Variants in UTRN observed in about 807,000 individuals in gnomAD.
UTRN encodes dystrophin-related protein 1.
UTRN carries 283 observed loss-of-function variants against 463.9 expected under a neutral mutation model. The ratio of observed to expected loss-of-function variants is 0.61; its 90% CI spans 0.55 to 0.67. The LOEUF is 0.67. Among genes scored for constraint, UTRN ranks in the 30% least tolerant of loss-of-function variants. The pLI, the probability that UTRN is intolerant of heterozygous loss-of-function variation, is 0.00. For missense variants in UTRN, 3,922 were observed against 4,084.3 expected (o/e 0.96, Z 1.08); for synonymous variants, 1,442 against 1,431.5 (o/e 1.01, Z -0.17).
chr6:144,732,298 A>G (rs1788762958), intron 54 of UTRN, among the ~76,000 whole-genome samples: 2 of 134,620 alleles, frequency 1.5e-5, no homozygotes, highest in South Asian at 2.7e-4. Flanking sequence ...ATATATATAC[A>G]CATATATATA....
chr6:144,388,941 C>T (rs1781656733), intron 2 of UTRN, among the ~76,000 whole-genome samples: 1 of 152,180 alleles, frequency 6.6e-6, no homozygotes, highest in South Asian at 2.1e-4. Flanking sequence ...TTGCATTTTC[C>T]TGGTATGAAC....
At chr6:144,385,581 T>G (rs1396948441) in intron 2 of UTRN, among the ~76,000 whole-genome samples, 2 of 152,204 alleles carry the variant, frequency 1.3e-5, no homozygotes, top group Non-Finnish European at 2.9e-5. Flanking sequence ...ACACTGAAGA[T>G]ATAATTAGCA....
chr6:144,517,517 G>A (rs1359121600), intron 39 of UTRN, among the ~76,000 whole-genome samples: 7 of 151,868 alleles, frequency 4.6e-5, no homozygotes, highest in South Asian at 2.1e-4. Context: ...TTTTTTAAAC[G>A]GCAATCTTTC....
chr6:144,424,530 G>A (rs1785126174), intron 6 of UTRN, among the ~76,000 whole-genome samples: 1 of 152,008 alleles, frequency 6.6e-6, no homozygotes, highest in Non-Finnish European at 1.5e-5. Flanking sequence ...AAGTACTGAG[G>A]GTTAGGACTT....
chr6:144,452,848 A>G (rs115064641), intron 18 of UTRN, among the ~76,000 whole-genome samples: 2,075 of 151,302 alleles, frequency 0.014, 44 homozygotes, highest in African/African-American at 0.047. Context: ...AGGCTGAGAT[A>G]GGAGGATCCT....
At chr6:144,341,881 C>T (rs1777163073) in intron 2 of UTRN, among the ~76,000 whole-genome samples, 1 of 152,168 alleles carries the variant, frequency 6.6e-6, no homozygotes, top group Non-Finnish European at 1.5e-5. Context: ...GGTATGAACC[C>T]ATACAGCTGT....
intron 51 of UTRN, among the ~76,000 whole-genome samples, chr6:144,640,576 T>C (rs890229655): frequency 2.0e-5 from 3 of 152,202 alleles, no homozygotes; most frequent in Non-Finnish European, 2.9e-5. Flanking sequence ...ATCTCATAAC[T>C]TACAGATTTG....
intron 34 of UTRN, among the ~76,000 whole-genome samples, chr6:144,502,190 G>A (rs904920947): frequency 2.7e-5 from 4 of 149,620 alleles, no homozygotes; most frequent in Non-Finnish European, 5.9e-5. Context: ...TCTGCCTTTA[G>A]TGCTTAGAAA....
chr6:144,771,103 T>G (rs952872171), intron 58 of UTRN, among the ~76,000 whole-genome samples: 2 of 152,296 alleles, frequency 1.3e-5, no homozygotes, highest in East Asian at 3.9e-4. Context: ...TTAACAGATA[T>G]GGGTTTATTC....
intron 7 of UTRN, 137 bp downstream of exon 7, chr6:144,426,596 T>A: frequency 3.3e-6 from 3 of 900,228 alleles, no homozygotes; most frequent in Non-Finnish European, 4.6e-6. Flanking sequence ...ACCAAAACCT[T>A]AAGAAAAGAA....
In UTRN at chr6:144,531,993, C is replaced by T. The variant is rs139243228; in HGVS notation, c.6057+791C>T. ...TCTACTAAAAATACAAAAAATTAGC[C>T]GGGCATGGTGGAACGCACCTGCAGT... On this transcript the variant is annotated intron_variant, in intron 42 of 74. Transcript: ENST00000367545. Among the ~76,000 whole-genome samples, 1,307 of 151,988 alleles carry T rather than the reference C, an allele frequency of 8.6e-3. 16 individuals are homozygous for T. Among genetic ancestry groups the T allele is most frequent in the African/African-American group, 0.03 (1,231 of 41,412 alleles).
intron 45 of UTRN, 32 bp from the exon 46 acceptor site, chr6:144,542,763 T>G: frequency 6.3e-7 from 1 of 1,597,162 alleles, no homozygotes; most frequent in Non-Finnish European, 8.5e-7. Context: ...TTACGTAGTA[T>G]TCTTCTCTTT....
At chr6:144,740,364 A>G (rs1789914069) in intron 54 of UTRN, among the ~76,000 whole-genome samples, 1 of 152,202 alleles carries the variant, frequency 6.6e-6, no homozygotes, top group Admixed American at 6.5e-5. Context: ...CTGAAATACC[A>G]CGCTGCATAA....
chr6:144,761,953 G>A (rs1237738551), intron 58 of UTRN, among the ~76,000 whole-genome samples: 1 of 152,046 alleles, frequency 6.6e-6, no homozygotes, highest in Non-Finnish European at 1.5e-5. Context: ...ATATAATAAT[G>A]ATAAATAGTT....
chr6:144,422,000 G>C, intron 4 of UTRN, 30 bp downstream of exon 4: 4 of 1,581,294 alleles, frequency 2.5e-6, no homozygotes. Context: ...AAACAACGGA[G>C]TCTCCGGTCA....
chr6:144,517,152 T>TA (rs1263944326), intron 39 of UTRN, among the ~76,000 whole-genome samples: 6 of 151,978 alleles, frequency 3.9e-5, no homozygotes, highest in Non-Finnish European at 7.4e-5. Context: ...TTATTGGCCA[T>TA]CTCTTTTGGA....
chr6:144,495,474 A>G (rs961822606), intron 33 of UTRN, among the ~76,000 whole-genome samples: 11 of 152,210 alleles, frequency 7.2e-5, no homozygotes, highest in African/African-American at 2.7e-4. Flanking sequence ...CCGGAACTCC[A>G]GCTGGCCCAC....
intron 46 of UTRN, 73 bp downstream of exon 46, chr6:144,542,943 C>T (rs1007610969): frequency 2.4e-6 from 3 of 1,274,534 alleles, no homozygotes; most frequent in African/African-American, 1.5e-5. Flanking sequence ...GAGCCTCATA[C>T]ATGAATTAGA....
rs1457406252 is a variant in UTRN, at chr6:144,827,387, G to A, written c.9533+1G>A. On this transcript the variant is annotated splice_donor_variant, in intron 67 of 74. Transcript: ENST00000367545. LOFTEE classifies it high-confidence loss of function. The stretch of plus-strand genomic sequence containing the variant: ...TCAGTATGTGGCCAGAGCACTATGA[G>A]TGAGTATTCATAGCCCACGTGCAGG... The A allele has an allele frequency of 6.2e-7, 1 of 1,613,452 alleles. No individual in the cohort carries two copies. Among genetic ancestry groups the A allele is most frequent in the East Asian group, 2.2e-5 (1 of 44,854 alleles).
Sources: gnomAD v4.1 joint callset for allele counts (sites outside exome capture counted in the v4.1 genomes callset) on GRCh38, gnomAD v4.1.1 for gene constraint, MANE v1.5 for transcripts, NCBI Gene and HGNC (gene_info 2026-07-23, HGNC 2026-07-21) for gene names.